The following DENND6A variants were observed in gnomAD, a reference collection of about 807,000 sequenced individuals.
DENND6A encodes the protein DENN domain containing 6A.
In DENND6A, 43 loss-of-function variants were observed where a neutral mutation model predicts 95.5. That is an observed-to-expected ratio of 0.45 (90% CI 0.35 to 0.58). The LOEUF (loss-of-function observed/expected upper bound fraction) is 0.58. DENND6A is among the 20% of genes least tolerant of loss of function. The pLI is 0.00. For synonymous variants in DENND6A, 257 were observed against 260.4 expected (o/e 0.99, Z 0.13); for missense variants, 574 against 736.0 (o/e 0.78, Z 2.55).
At chr3:57,670,019 CAA>C (rs780880587) in intron 3 of DENND6A, among the ~76,000 whole-genome samples, 1,498 of 57,646 alleles carry the variant, frequency 0.026, 20 homozygotes, top group African/African-American at 0.1. Context: ...AACTCCATCT[CAA>C]AAAAAAAAAA....
chr3:57,676,817 A>T (rs1048338450), intron 1 of DENND6A, among the ~76,000 whole-genome samples: 7 of 151,762 alleles, frequency 4.6e-5, no homozygotes, highest in Admixed American at 4.6e-4. Flanking sequence ...GCTATTTTTT[A>T]TTTTTATTTA....
chr3:57,655,576 A>C (rs1234642554), intron 9 of DENND6A, among the ~76,000 whole-genome samples: 2 of 152,210 alleles, frequency 1.3e-5, no homozygotes, highest in Non-Finnish European at 2.9e-5. Flanking sequence ...AGGTAAGTCA[A>C]AGTCAAAATG....
Position 57,630,615 on chromosome 3 carries a change from T to G in DENND6A, c.1518-92A>C, listed in dbSNP as rs769433979. 3.9e-6 allele frequency: 6 copies of G among 1,523,970 alleles called. No homozygotes were observed. The African/African-American group carries it at 8.5e-5, about 21-fold the overall frequency. The allele number at this position is 1,523,970 out of a possible 1,614,324, so 94.4% of individuals were successfully genotyped here. On this transcript the variant is annotated intron_variant, in intron 17 of 19. Transcript: ENST00000311128. ...CTAGTCAGAGAACCATGTCAAACTT[T>G]AGTAGAATTTTTTAAAAAGAATAAG...
chr3:57,654,494 CAG>C (rs2071282435), intron 9 of DENND6A: 1 of 409,374 alleles, frequency 2.4e-6, no homozygotes, highest in Non-Finnish European at 3.3e-6. Flanking sequence ...CAATAGGGAA[CAG>C]GGGAGAGAAG....
chr3:57,688,088 C>T (rs1304722365), intron 1 of DENND6A, among the ~76,000 whole-genome samples: 10 of 152,002 alleles, frequency 6.6e-5, no homozygotes, highest in African/African-American at 1.7e-4. Flanking sequence ...CTCTGCCTCC[C>T]GGGTTCAAGC....
At chr3:57,656,478 A>G (rs1237685117) in intron 9 of DENND6A, among the ~76,000 whole-genome samples, 1 of 152,174 alleles carries the variant, frequency 6.6e-6, no homozygotes, top group Non-Finnish European at 1.5e-5. Context: ...GAATAAAGCT[A>G]CTATATAGAC....
At chr3:57,653,941 CTTTT>C (rs1206882170) in intron 9 of DENND6A, among the ~76,000 whole-genome samples, 2 of 75,820 alleles carry the variant, frequency 2.6e-5, no homozygotes, top group Non-Finnish European at 4.7e-5. Flanking sequence ...TAGAAATTCA[CTTTT>C]TTTTTTTTTT....
intron 1 of DENND6A, among the ~76,000 whole-genome samples, chr3:57,691,890 T>C (rs932617666): frequency 2.0e-5 from 3 of 151,814 alleles, no homozygotes; most frequent in Admixed American, 6.6e-5. Context: ...TATATTCATC[T>C]TGACAGTAGT....
intron 11 of DENND6A, among the ~76,000 whole-genome samples, chr3:57,643,916 C>T (rs1008878216): frequency 6.6e-6 from 1 of 151,298 alleles, no homozygotes; most frequent in Non-Finnish European, 1.5e-5. Flanking sequence ...TTTGGGAAGC[C>T]AAGGTGGGCA....
intron 6 of DENND6A, among the ~76,000 whole-genome samples, chr3:57,661,157 A>T (rs2071417072): frequency 6.6e-6 from 1 of 152,212 alleles, no homozygotes; most frequent in South Asian, 2.1e-4. Context: ...AAGTGACATA[A>T]GGATTTTTCA....
At chr3:57,645,851 A>C in intron 10 of DENND6A, 95 bp from the exon 11 acceptor site, 1 of 789,486 alleles carries the variant, frequency 1.3e-6, no homozygotes, top group Non-Finnish European at 2.0e-6. Context: ...TATACACACA[A>C]AGGGATACTT....
chr3:57,673,265 C>A (rs1003329423), intron 1 of DENND6A, among the ~76,000 whole-genome samples: 2 of 146,756 alleles, frequency 1.4e-5, no homozygotes, highest in Admixed American at 6.8e-5. Flanking sequence ...ATAATGAAAT[C>A]CTGTCATTTG....
chr3:57,688,691 AAC>A (rs2077233198), intron 1 of DENND6A, among the ~76,000 whole-genome samples: 1 of 151,776 alleles, frequency 6.6e-6, no homozygotes, highest in African/African-American at 2.4e-5. Context: ...GACAAAAAAA[AAC>A]ACACAGCTCC....
intron 1 of DENND6A, among the ~76,000 whole-genome samples, chr3:57,692,291 G>A (rs1401397607): frequency 6.6e-6 from 1 of 151,334 alleles, no homozygotes; most frequent in East Asian, 1.9e-4. Context: ...GAAAATGCGT[G>A]CTGAGATAAG....
intron 16 of DENND6A, 46 bp downstream of exon 16, chr3:57,630,879 G>A: frequency 6.2e-7 from 1 of 1,610,616 alleles, no homozygotes; most frequent in Non-Finnish European, 8.5e-7. Flanking sequence ...GTTCACAGAA[G>A]TTAATTACAG....
At chr3:57,644,373 T>G (rs2071020707) in intron 11 of DENND6A, among the ~76,000 whole-genome samples, 1 of 151,930 alleles carries the variant, frequency 6.6e-6, no homozygotes, top group Non-Finnish European at 1.5e-5. Context: ...TGGCACGATC[T>G]GAGTTCACTG....
At chr3:57,681,634 A>G (rs539234346) in intron 1 of DENND6A, among the ~76,000 whole-genome samples, 59 of 151,634 alleles carry the variant, frequency 3.9e-4, no homozygotes, top group African/African-American at 9.9e-4. Context: ...AAAAAAAAAA[A>G]AAAGAAAGAA....
At chr3:57,630,692 T>A (rs1559802174) in intron 17 of DENND6A, 23 bp downstream of exon 17, 1 of 1,605,200 alleles carries the variant, frequency 6.2e-7, no homozygotes, top group Non-Finnish European at 8.5e-7. Context: ...CACATGGGTG[T>A]AAAACAGGGA....
intron 1 of DENND6A, among the ~76,000 whole-genome samples, chr3:57,692,229 C>CA (rs11303769): frequency 0.093 from 6,754 of 72,776 alleles, 314 homozygotes; most frequent in African/African-American, 0.14. Context: ...AACTCCGTCT[C>CA]AAAAAAAAAA....
Sources: allele counts gnomAD v4.1 joint callset (sites outside exome capture counted in the v4.1 genomes callset), GRCh38; gene constraint gnomAD v4.1.1; transcripts MANE v1.5; gene names NCBI Gene and HGNC (gene_info 2026-07-23, HGNC 2026-07-21).